The following PIK3C2G variants were observed in gnomAD, a reference collection of about 807,000 sequenced individuals.
The protein encoded by PIK3C2G is phosphatidylinositol-4-phosphate 3-kinase catalytic subunit type 2 gamma.
PIK3C2G carries 168 observed loss-of-function variants against 181.1 expected under a neutral mutation model. The observed-to-expected ratio is 0.93, with a 90% confidence interval of 0.82 to 1.05. PIK3C2G has a LOEUF of 1.05. Among genes scored for constraint, PIK3C2G ranks in the 50% least tolerant of loss-of-function variants. The probability of loss-of-function intolerance (pLI) is 0.00; values close to 1 mark genes in which losing one functional copy is unlikely to be tolerated. For synonymous variants in PIK3C2G, 573 were observed against 592.2 expected (o/e 0.97, Z 0.47); for missense variants, 1,869 against 1,732.8 (o/e 1.08, Z -1.40).
At chr12:18,326,467 T>C (rs912371189) in intron 8 of PIK3C2G, among the ~76,000 whole-genome samples, 1 of 152,210 alleles carries the variant, frequency 6.6e-6, no homozygotes, top group Admixed American at 6.5e-5. Flanking sequence ...ACACTAAATA[T>C]ATCTGAAAAT....
chr12:18,650,704 G>GTGTGTA (rs1950446696), downstream of PIK3C2G, among the ~76,000 whole-genome samples: 3 of 57,764 alleles, frequency 5.2e-5, no homozygotes, highest in Admixed American at 1.6e-4. Flanking sequence ...GTGTGTGTGT[G>GTGTGTA]TATATATCTA....
chr12:18,455,168 C>T (rs1267706502), intron 18 of PIK3C2G, among the ~76,000 whole-genome samples: 2 of 152,188 alleles, frequency 1.3e-5, no homozygotes, highest in South Asian at 4.1e-4. Flanking sequence ...CCTTTTACAA[C>T]CTAATCACAG....
chr12:18,367,215 T>G (rs1251773202), intron 12 of PIK3C2G, among the ~76,000 whole-genome samples: 2 of 152,194 alleles, frequency 1.3e-5, no homozygotes, highest in Non-Finnish European at 2.9e-5. Context: ...TTAAAGAAAT[T>G]GCTGTGCATT....
the PIK3C2G span, among the ~76,000 whole-genome samples, chr12:18,661,254 A>G: frequency 0.4 from 60,025 of 151,908 alleles, 14,009 homozygotes; most frequent in South Asian, 0.59. Flanking sequence ...TACCCCAAAT[A>G]TTTCCAAGTG....
chr12:18,271,665 T>C (rs1342810499), intron 1 of PIK3C2G, among the ~76,000 whole-genome samples: 1 of 152,180 alleles, frequency 6.6e-6, no homozygotes, highest in Non-Finnish European at 1.5e-5. Flanking sequence ...GGTCAATCCA[T>C]TATATACTGA....
At chr12:18,635,799 T>G (rs1253440503) in intron 31 of PIK3C2G, among the ~76,000 whole-genome samples, 3 of 152,160 alleles carry the variant, frequency 2.0e-5, no homozygotes, top group African/African-American at 7.2e-5. Flanking sequence ...GCTTTTCAGG[T>G]CACTCAGCAA....
intron 18 of PIK3C2G, among the ~76,000 whole-genome samples, chr12:18,433,701 T>C (rs1946291779): frequency 1.3e-5 from 2 of 152,196 alleles, no homozygotes; most frequent in African/African-American, 2.4e-5. Flanking sequence ...AAAACACTGT[T>C]CAATTAAGCA....
intron 13 of PIK3C2G, among the ~76,000 whole-genome samples, chr12:18,377,831 C>T (rs1274314735): frequency 6.6e-6 from 1 of 152,018 alleles, no homozygotes; most frequent in African/African-American, 2.4e-5. Context: ...ATAAATATTA[C>T]ATATATATAT....
intron 31 of PIK3C2G, among the ~76,000 whole-genome samples, chr12:18,613,297 A>T (rs966925399): frequency 3.3e-5 from 5 of 152,000 alleles, no homozygotes; most frequent in African/African-American, 1.2e-4. Flanking sequence ...TATTGAATCT[A>T]CCCACACTTT....
the PIK3C2G span, among the ~76,000 whole-genome samples, chr12:18,711,384 T>C: frequency 5.3e-4 from 30 of 56,816 alleles, no homozygotes; most frequent in Non-Finnish European, 8.2e-4. Context: ...GGGACTGTTG[T>C]GGGGTGGGGG....
At chr12:18,532,685 C>T (rs1344707961) in intron 24 of PIK3C2G, among the ~76,000 whole-genome samples, 3 of 152,054 alleles carry the variant, frequency 2.0e-5, no homozygotes, top group South Asian at 4.1e-4. Context: ...TATGTGTATT[C>T]TGCCACCAAT....
At chr12:18,573,110 GAGTTT>G (rs1946054163) in intron 29 of PIK3C2G, among the ~76,000 whole-genome samples, 2 of 150,930 alleles carry the variant, frequency 1.3e-5, no homozygotes, top group African/African-American at 2.5e-5. Context: ...GTTCACTTGT[GAGTTT>G]AGTTATTTTC....
intron 18 of PIK3C2G, among the ~76,000 whole-genome samples, chr12:18,452,144 T>G (rs1947398754): frequency 6.6e-6 from 1 of 152,240 alleles, no homozygotes; most frequent in Non-Finnish European, 1.5e-5. Flanking sequence ...TCAGAAGGAA[T>G]GGTACCAGCT....
At chr12:18,567,659 G>A (rs1199502817) in intron 29 of PIK3C2G, among the ~76,000 whole-genome samples, 2 of 151,798 alleles carry the variant, frequency 1.3e-5, no homozygotes, top group African/African-American at 4.8e-5. Context: ...TCTGAGCCGA[G>A]CCTTTAACAC....
chr12:18,523,347 A>T (rs1283233138), intron 24 of PIK3C2G, among the ~76,000 whole-genome samples: 3 of 152,200 alleles, frequency 2.0e-5, no homozygotes, highest in Non-Finnish European at 4.4e-5. Flanking sequence ...ATGTGAGGAC[A>T]TCATCACCTC....
rs561134047 is a variant in PIK3C2G at position 18,449,366 on chromosome 12, T to C, written c.2504+25327T>C. On this transcript the variant is annotated intron_variant, in intron 18 of 32. Coordinates refer to ENST00000538779, the MANE Select transcript of PIK3C2G (RefSeq NM_001288772.2). ...TTGTTACGTAGGTATACATGTGCCA[T>C]GGTAGTTTGCTGCACCTATCAACAC... is the stretch of plus-strand genomic sequence containing the variant. Among the ~76,000 whole-genome samples, 15 of 152,234 alleles carry C rather than the reference T, an allele frequency of 9.9e-5. 1 individual carries two copies. The South Asian group carries it at 3.1e-3, about 32-fold the overall frequency.
chr12:18,516,178 A>C (rs1254529352), intron 24 of PIK3C2G, among the ~76,000 whole-genome samples: 1 of 151,320 alleles, frequency 6.6e-6, no homozygotes, highest in African/African-American at 2.4e-5. Flanking sequence ...GAATTCCTTC[A>C]GTTTTTATTT....
chr12:18,287,629 G>A (rs1200992859), intron 3 of PIK3C2G, among the ~76,000 whole-genome samples: 1 of 151,958 alleles, frequency 6.6e-6, no homozygotes, highest in East Asian at 1.9e-4. Flanking sequence ...GCCAAGACAG[G>A]TGGATCACTG....
chr12:18,702,720 T>C, the PIK3C2G span, among the ~76,000 whole-genome samples: 1 of 152,072 alleles, frequency 6.6e-6, no homozygotes, highest in African/African-American at 2.4e-5. Context: ...AATAAGGGAA[T>C]CAGAATCTTG....
Sources: gnomAD v4.1 joint callset for allele counts (sites outside exome capture counted in the v4.1 genomes callset) on GRCh38, gnomAD v4.1.1 for gene constraint, MANE v1.5 for transcripts, NCBI Gene and HGNC (gene_info 2026-07-23, HGNC 2026-07-21) for gene names.